The following CDK12 variants were observed in gnomAD, a reference collection of about 807,000 sequenced individuals.
CDK12 encodes the protein cyclin dependent kinase 12.
In CDK12, 17 loss-of-function variants were observed where a neutral mutation model predicts 133.8. The observed-to-expected ratio is 0.13, with a 90% CI of 0.09 to 0.19. CDK12 has a LOEUF of 0.19. Among genes scored for constraint, CDK12 ranks in the 10% least tolerant of loss-of-function variants. CDK12 has a pLI of 1.00. For synonymous variants in CDK12, 694 were observed against 683.6 expected, an observed-to-expected ratio of 1.02 and a Z score of -0.24; for missense variants, 1,508 against 1,818.7, an observed-to-expected ratio of 0.83 and a Z score of 3.11.
At chr17:39,498,012 T>TTTC (rs1555564269) in intron 5 of CDK12, among the ~76,000 whole-genome samples, 4 of 16,410 alleles carry the variant, frequency 2.4e-4, no homozygotes, top group African/African-American at 4.5e-4. Context: ...TCTTTCTTTC[T>TTTC]TTTTTTTTTG....
chr17:39,478,688 G>A (rs979532264), intron 2 of CDK12, among the ~76,000 whole-genome samples: 6 of 152,078 alleles, frequency 3.9e-5, no homozygotes, highest in African/African-American at 1.4e-4. Flanking sequence ...GAAAAGGCAT[G>A]ATAGCATGCA....
At chr17:39,490,756 C>CT in intron 3 of CDK12, 23 bp downstream of exon 3, 1 of 1,556,330 alleles carries the variant, frequency 6.4e-7, no homozygotes, top group Middle Eastern at 1.7e-4. Context: ...AGGAATCTGT[C>CT]TTTCATGATA....
At chr17:39,536,108 G>A (rs1458170135), downstream of CDK12, among the ~76,000 whole-genome samples, 1 of 152,094 alleles carries the variant, frequency 6.6e-6, no homozygotes, top group Non-Finnish European at 1.5e-5. Context: ...TTGAAAGACT[G>A]GGGGAGTACG....
chr17:39,477,175 C>T (rs922488719), intron 2 of CDK12, among the ~76,000 whole-genome samples: 4 of 151,512 alleles, frequency 2.6e-5, no homozygotes, highest in Non-Finnish European at 1.5e-5. Context: ...TGTGTGCCAC[C>T]ATGTCTGGCT....
rs146621695 is a variant in CDK12, at chr17:39,471,717, C to G, written c.1885C>G (p.Pro629Ala). The G allele has an allele frequency of 6.2e-7, 1 of 1,613,968 alleles. No homozygotes were observed. The highest frequency in any genetic ancestry group is 1.3e-5 in the African/African-American group (1 of 74,924). ...IPHLKTSTLP[P>A]LPLPPLLPGD... ...ACACCTGAAAACTTCAACGTTGCCT[C>G]CTTTGCCCCTCCCACCCTTATTACC... Residue 629 changes from proline to alanine, a missense_variant, in exon 2 of 14, where the codon CCT (proline) becomes GCT (alanine). This residue lies in a region of CDK12 where 347 missense variants were observed against 330.8 expected (regional missense o/e 1.05). Coordinates refer to ENST00000447079, the MANE Select transcript of CDK12 (RefSeq NM_016507.4).
chr17:39,490,877 A>G (rs1277092076), intron 3 of CDK12, 144 bp downstream of exon 3: 1 of 559,708 alleles, frequency 1.8e-6, no homozygotes, highest in Non-Finnish European at 2.9e-6. Context: ...TTTAATGGAC[A>G]AAAGCCTTTC....
At chr17:39,537,545 T>TTTTTTTTA (rs1555582176), downstream of CDK12, among the ~76,000 whole-genome samples, 6 of 142,562 alleles carry the variant, frequency 4.2e-5, no homozygotes, top group African/African-American at 1.1e-4. Flanking sequence ...AATTCCTTAT[T>TTTTTTTTA]TTTATTTATT....
chr17:39,484,263 A>G (rs1390451031), intron 2 of CDK12, among the ~76,000 whole-genome samples: 1 of 152,182 alleles, frequency 6.6e-6, no homozygotes, highest in Non-Finnish European at 1.5e-5. Context: ...AGAGCTTGGT[A>G]GGTTTTTAAA....
chr17:39,541,362 CTT>C (rs201866427), intron 1 of CDK12, among the ~76,000 whole-genome samples: 139 of 137,176 alleles, frequency 1.0e-3, no homozygotes, highest in African/African-American at 1.9e-3. Context: ...GAGTTTGGCT[CTT>C]TTTTTTTTTT....
chr17:39,470,824 T>C (rs1306428323), intron 1 of CDK12, 55 bp from the exon 2 acceptor site: 1 of 1,372,138 alleles, frequency 7.3e-7, no homozygotes, highest in Admixed American at 2.3e-5. Context: ...TGATCTGTTT[T>C]CCTCCATATA....
chr17:39,530,953 G>A lies in CDK12; in HGVS notation c.4110G>A (p.Leu1370=), dbSNP rs375237735. Residue 1370 remains leucine (L), a synonymous_variant, in exon 14 of 14, where the codon CTG becomes CTA. Transcript: ENST00000447079. ...TGACAGAATCCTTGGTCCAGACCCT[G>A]GTGAAGAACAGGACCTTCTCAGGCT... ...PALTESLVQT[L]VKNRTFSGSL... is the part of the protein sequence containing the mutation. 2 of 1,614,074 alleles carry A rather than the reference G, an allele frequency of 1.2e-6. No homozygotes were observed. Among genetic ancestry groups the A allele is most frequent in the Admixed American group, 1.7e-5 (1 of 60,012 alleles).
At position 39,533,316 on chromosome 17, in the gene CDK12, T is replaced by C. The variant is rs554096807; in HGVS notation, c.*2000T>C. On this transcript the variant is annotated 3_prime_UTR_variant, in exon 14 of 14. Coordinates refer to ENST00000447079, the MANE Select transcript of CDK12 (RefSeq NM_016507.4). Reference sequence around the variant, plus strand: ...GTCCAGTTAGATTTACTAGGCTTACTGACATGCTATTGGTAAATCGCATTA... The same window carrying C: ...GTCCAGTTAGATTTACTAGGCTTACCGACATGCTATTGGTAAATCGCATTA... The C allele has an allele frequency of 2.6e-4, 61 of 233,140 alleles. No individual in the cohort carries two copies. Among genetic ancestry groups the C allele is most frequent in the African/African-American group, 1.3e-3 (58 of 45,458 alleles). 14.4% of individuals were successfully genotyped at this position (233,140 alleles called of 1,614,324 possible). A position where few individuals can be genotyped will look rare whatever the true frequency, so the allele number is the denominator to read the frequency against.
In CDK12 at chr17:39,462,260, G is replaced by C. The variant is rs2144855640; in HGVS notation, c.189G>C (p.Leu63=). 6.2e-7 allele frequency: 1 copy of C among 1,614,144 alleles called. No individual in the cohort carries two copies. Among genetic ancestry groups the C allele is most frequent in the Middle Eastern group, 1.7e-4 (1 of 6,060 alleles). Residue 63 remains leucine (L), a synonymous_variant, in exon 1 of 14, where the codon CTG becomes CTC. Coordinates refer to ENST00000447079, the MANE Select transcript of CDK12 (RefSeq NM_016507.4). ...MGLVTPEAAS[L]GTVIKPLVEY... ...TGGTGACCCCCGAAGCAGCATCCCT[G>C]GGCACAGTTATCAAACCTTTGGTGG...
At chr17:39,519,004 T>G (rs1478870022) in intron 10 of CDK12, among the ~76,000 whole-genome samples, 1 of 148,530 alleles carries the variant, frequency 6.7e-6, no homozygotes, top group African/African-American at 2.5e-5. Flanking sequence ...TGGGTTTAAG[T>G]GATTCTCCTG....
chr17:39,479,924 CTT>C (rs67125473), intron 2 of CDK12, among the ~76,000 whole-genome samples: 88,843 of 140,916 alleles, frequency 0.63, 30,000 homozygotes, highest in South Asian at 0.88. Flanking sequence ...ACTGCACTGG[CTT>C]TTTTTTTTTT....
chr17:39,522,171 G>A (rs1046371021), intron 11 of CDK12, among the ~76,000 whole-genome samples: 4 of 151,044 alleles, frequency 2.6e-5, no homozygotes, highest in African/African-American at 4.9e-5. Context: ...GTGCAGTGGT[G>A]TGATCTCGAC....
rs1307691161 is a variant in CDK12, at chr17:39,462,661, G to A, written c.590G>A (p.Arg197Gln). 1.9e-6 allele frequency: 3 copies of A among 1,614,080 alleles called. No individual in the cohort carries two copies. Among genetic ancestry groups the A allele is most frequent in the Non-Finnish European group, 2.5e-6 (3 of 1,180,016 alleles). Residue 197 changes from arginine (R) to glutamine (Q), a missense_variant, in exon 1 of 14, where the codon CGG becomes CAG. Coordinates refer to ENST00000447079, the MANE Select transcript of CDK12 (RefSeq NM_016507.4). ...GAGCTGAAGTCTGGGCACAAAGACC[G>A]GAGTAAAAGTCATCGAAAAAGGGAA... The part of the protein sequence containing the change: ...ERELKSGHKD[R>Q]SKSHRKRETP...
chr17:39,495,055 G>A (rs1485921848), intron 5 of CDK12, among the ~76,000 whole-genome samples: 1 of 151,986 alleles, frequency 6.6e-6, no homozygotes, highest in Non-Finnish European at 1.5e-5. Flanking sequence ...ACAGGCATGA[G>A]CCACCGCGCC....
intron 2 of CDK12, among the ~76,000 whole-genome samples, chr17:39,483,391 A>T (rs1427419686): frequency 6.6e-6 from 1 of 151,838 alleles, no homozygotes; most frequent in African/African-American, 2.4e-5. Flanking sequence ...CAGCCTCTCA[A>T]GTAGCTTGGA....
Sources: allele counts gnomAD v4.1 joint callset (sites outside exome capture counted in the v4.1 genomes callset), GRCh38; gene constraint gnomAD v4.1.1; regional missense constraint gnomAD v4.1.1; transcripts MANE v1.5; gene names NCBI Gene and HGNC (gene_info 2026-07-23, HGNC 2026-07-21).